Variants in FOXP2 observed in about 807,000 individuals in gnomAD.
FOXP2 encodes forkhead box P2, also known as forkhead box protein P2.
In FOXP2, 12 loss-of-function variants were observed where a neutral mutation model predicts 115.8. That is an observed-to-expected ratio of 0.10 (90% CI 0.07 to 0.17). The LOEUF (loss-of-function observed/expected upper bound fraction) is 0.17, where lower values mean the gene tolerates loss of function less well. FOXP2 is among the 10% of genes least tolerant of loss of function. FOXP2 has a pLI of 1.00. For synonymous variants in FOXP2, 328 were observed against 297.7 expected, an observed-to-expected ratio of 1.10 and a Z score of -1.05; for missense variants, 629 against 843.5, an observed-to-expected ratio of 0.75 and a Z score of 3.15.
intron 5 of FOXP2, 28 bp downstream of exon 5, chr7:114,630,033 T>A: frequency 6.2e-7 from 1 of 1,604,666 alleles, no homozygotes; most frequent in Non-Finnish European, 8.5e-7. Flanking sequence ...CATTGATACA[T>A]AACAGTTTGC....
At chr7:114,272,052 A>C (rs145251486) in intron 1 of FOXP2, among the ~76,000 whole-genome samples, 2,518 of 141,650 alleles carry the variant, frequency 0.018, 39 homozygotes, top group African/African-American at 0.036. Context: ...AATATGTATA[A>C]ATATATAAAA....
At chr7:114,185,606 C>T (rs1341576094) in intron 1 of FOXP2, among the ~76,000 whole-genome samples, 1 of 152,100 alleles carries the variant, frequency 6.6e-6, no homozygotes, top group Non-Finnish European at 1.5e-5. Context: ...TTCAGACTTA[C>T]CTCAGAAGCA....
intron 2 of FOXP2, among the ~76,000 whole-genome samples, chr7:114,346,516 G>T (rs1791353173): frequency 6.6e-6 from 1 of 151,762 alleles, no homozygotes; most frequent in South Asian, 2.1e-4. Context: ...ATAGAATACG[G>T]AATCAAACTA....
chr7:114,399,232 C>T (rs755695864), intron 2 of FOXP2, among the ~76,000 whole-genome samples: 3 of 151,710 alleles, frequency 2.0e-5, no homozygotes, highest in African/African-American at 4.8e-5. Flanking sequence ...CTCAGCCTCC[C>T]GAGTAGCTGT....
chr7:114,506,619 A>G (rs1335729182), intron 2 of FOXP2, among the ~76,000 whole-genome samples: 1 of 151,442 alleles, frequency 6.6e-6, no homozygotes, highest in African/African-American at 2.4e-5. Flanking sequence ...CCCATTTTTT[A>G]TTTTTATAAT....
chr7:114,633,043 A>G (rs1403777505), intron 6 of FOXP2, among the ~76,000 whole-genome samples: 1 of 152,134 alleles, frequency 6.6e-6, no homozygotes, highest in African/African-American at 2.4e-5. Flanking sequence ...AACAGAAAAA[A>G]TATTGTTTTT....
intron 16 of FOXP2, among the ~76,000 whole-genome samples, chr7:114,685,234 C>T (rs538905612): frequency 6.6e-6 from 1 of 152,182 alleles, no homozygotes; most frequent in African/African-American, 2.4e-5. Flanking sequence ...TTATTTATCA[C>T]GTTAAATAGT....
chr7:114,360,097 A>G (rs1445713919), intron 2 of FOXP2, among the ~76,000 whole-genome samples: 2 of 151,962 alleles, frequency 1.3e-5, no homozygotes, highest in Non-Finnish European at 2.9e-5. Flanking sequence ...AATTACAGGG[A>G]TGGGTTTTTC....
intron 2 of FOXP2, among the ~76,000 whole-genome samples, chr7:114,445,750 AT>A (rs1479293415): frequency 1.3e-5 from 2 of 152,168 alleles, no homozygotes; most frequent in Non-Finnish European, 2.9e-5. Flanking sequence ...AAATTATAAT[AT>A]TTAATAGTAT....
At chr7:114,534,805 C>A in intron 3 of FOXP2, 99 bp downstream of exon 3, 1 of 876,286 alleles carries the variant, frequency 1.1e-6, no homozygotes, top group Non-Finnish European at 1.9e-6. Flanking sequence ...GAAATTATTA[C>A]ATTTGCATAT....
chr7:114,268,407 A>G (rs920224653), intron 1 of FOXP2, among the ~76,000 whole-genome samples: 1 of 152,206 alleles, frequency 6.6e-6, no homozygotes, highest in African/African-American at 2.4e-5. Flanking sequence ...AATTTAGTGA[A>G]ACATAAATTT....
chr7:114,167,562 A>G (rs897095081), intron 1 of FOXP2, among the ~76,000 whole-genome samples: 1 of 152,124 alleles, frequency 6.6e-6, no homozygotes, highest in Non-Finnish European at 1.5e-5. Flanking sequence ...CCAGTGAGAG[A>G]TAATTGAATC....
At chr7:114,563,873 C>T (rs1800872485) in intron 3 of FOXP2, among the ~76,000 whole-genome samples, 2 of 150,350 alleles carry the variant, frequency 1.3e-5, no homozygotes, top group Non-Finnish European at 3.0e-5. Context: ...GTCCCTTATC[C>T]TTTACTCTCT....
At chr7:114,103,259 A>G (rs560035153) in intron 1 of FOXP2, among the ~76,000 whole-genome samples, 39 of 152,130 alleles carry the variant, frequency 2.6e-4, no homozygotes, top group African/African-American at 8.9e-4. Flanking sequence ...CCAGGGTGCA[A>G]TTAGATTAGT....
intron 16 of FOXP2, among the ~76,000 whole-genome samples, chr7:114,671,519 A>G (rs1807483035): frequency 1.3e-5 from 2 of 152,188 alleles, no homozygotes; most frequent in Non-Finnish European, 1.5e-5. Flanking sequence ...CTTCTGTTTT[A>G]TATCTAAAGA....
intron 3 of FOXP2, among the ~76,000 whole-genome samples, chr7:114,584,045 A>G (rs147729290): frequency 1.1e-4 from 17 of 152,272 alleles, no homozygotes; most frequent in African/African-American, 3.6e-4. Context: ...AATTTTTATT[A>G]TACACATTTA....
rs533661912 is a variant in FOXP2, at chr7:114,650,449, G to A, written c.1095-1754G>A. ...TGGTGAAAAAAAAAAAAATCTTACG[G>A]AAACACAGCAATATGAAGCCTTAAG... is the stretch of plus-strand genomic sequence containing the variant. On this transcript the variant is annotated intron_variant, in intron 8 of 16. Coordinates refer to ENST00000350908, the MANE Select transcript of FOXP2 (RefSeq NM_014491.4). Among the ~76,000 whole-genome samples the A allele has an allele frequency of 1.7e-4, 26 of 151,700 alleles. 1 individual carries two copies. The South Asian group carries it at 5.4e-3, about 32-fold the overall frequency.
At chr7:114,565,956 G>T (rs1800999776) in intron 3 of FOXP2, among the ~76,000 whole-genome samples, 1 of 152,106 alleles carries the variant, frequency 6.6e-6, no homozygotes. Context: ...CATCTTCTCT[G>T]TCTGACCTAG....
At chr7:114,322,316 C>A (rs1797444670) in intron 2 of FOXP2, among the ~76,000 whole-genome samples, 1 of 150,750 alleles carries the variant, frequency 6.6e-6, no homozygotes, top group South Asian at 2.1e-4. Flanking sequence ...AGCCACCATA[C>A]CCTGACAGAT....
Sources: allele counts gnomAD v4.1 joint callset (sites outside exome capture counted in the v4.1 genomes callset), GRCh38; gene constraint gnomAD v4.1.1; transcripts MANE v1.5; gene names NCBI Gene and HGNC (gene_info 2026-07-23, HGNC 2026-07-21).